INSRR: variants seen among roughly 807,000 people sequenced by gnomAD.
INSRR encodes insulin receptor related receptor, also known as insulin receptor-related protein.
Under a neutral mutation model 130.0 loss-of-function variants are expected in INSRR, and 114 were observed. The ratio of observed to expected loss-of-function variants is 0.88; its 90% CI spans 0.75 to 1.02. INSRR has a LOEUF of 1.02. Ranked by LOEUF, INSRR falls within the 50% of genes least tolerant of loss-of-function variation. INSRR has a pLI of 0.00. For missense variants in INSRR, 1,657 were observed against 1,735.2 expected (o/e 0.95, Z 0.80); for synonymous variants, 674 against 705.2 (o/e 0.96, Z 0.70).
intron 5 of INSRR, among the ~76,000 whole-genome samples, chr1:156,850,264 T>C (rs1323482033): frequency 4.6e-5 from 7 of 152,058 alleles, no homozygotes; most frequent in African/African-American, 1.4e-4. Context: ...CAGGCTGCAG[T>C]GTAGTGGCAC....
At chr1:156,847,054 T>C (rs1655040040) in intron 7 of INSRR, among the ~76,000 whole-genome samples, 3 of 152,182 alleles carry the variant, frequency 2.0e-5, no homozygotes, top group Admixed American at 6.5e-5. Context: ...CAAGAAAGTG[T>C]GTGTGAAAGA....
intron 7 of INSRR, 74 bp downstream of exon 7, chr1:156,848,847 C>T (rs374472136): frequency 1.3e-6 from 2 of 1,507,228 alleles, no homozygotes; most frequent in East Asian, 2.5e-5. Flanking sequence ...GCTCCGCCCT[C>T]ACCTGCCTGT....
At chr1:156,858,479 G>T in intron 1 of INSRR, 58 bp downstream of exon 1, 1 of 1,333,532 alleles carries the variant, frequency 7.5e-7, no homozygotes, top group Non-Finnish European at 1.1e-6. Context: ...TCAGTTTTTT[G>T]GCCTCCCAGC....
In INSRR at chr1:156,843,184, G is replaced by A; in HGVS notation, c.2946C>T (p.Ile982=). 1 of 1,614,106 alleles carries A rather than the reference G, an allele frequency of 6.2e-7. No individual in the cohort carries two copies. The highest frequency in any genetic ancestry group is 8.5e-7 in the Non-Finnish European group (1 of 1,180,034). ...CAAAAGAGCCCTGGCCCAGTTCCCGGATTATCGAGATCTGCTCCCGAGGCA... is the reference window on the plus strand; with the variant it reads ...CAAAAGAGCCCTGGCCCAGTTCCCGAATTATCGAGATCTGCTCCCGAGGCA... The part of the protein sequence containing the change: ...WEVPREQISI[I]RELGQGSFGM... Residue 982 remains isoleucine (I), a synonymous_variant, in exon 17 of 22, where the codon ATC becomes ATT. Coordinates refer to ENST00000368195, the MANE Select transcript of INSRR (RefSeq NM_014215.3).
chr1:156,847,673 G>A (rs184437855), intron 7 of INSRR, among the ~76,000 whole-genome samples: 150 of 152,178 alleles, frequency 9.9e-4, no homozygotes, highest in African/African-American at 3.4e-3. Flanking sequence ...CAGGTTGGGG[G>A]GGTGGGGGCT....
chr1:156,842,374 C>T (rs761488096), intron 18 of INSRR, 24 bp downstream of exon 18: 40 of 1,612,720 alleles, frequency 2.5e-5, no homozygotes, highest in Middle Eastern at 1.6e-4. Context: ...TTCTTTCACT[C>T]CCCAGGGTCT....
chr1:156,846,180 T>A (rs1655001080), intron 8 of INSRR, 61 bp from the exon 9 acceptor site: 4 of 1,474,214 alleles, frequency 2.7e-6, no homozygotes, highest in Non-Finnish European at 3.6e-6. Context: ...TACTATCTAG[T>A]AATGAGCCCT....
At chr1:156,856,215 G>A (rs1655401628) in intron 1 of INSRR, among the ~76,000 whole-genome samples, 1 of 152,114 alleles carries the variant, frequency 6.6e-6, no homozygotes, top group African/African-American at 2.4e-5. Context: ...TAAGGGCAGG[G>A]ATATTTGTAT....
chr1:156,840,854 C>G lies in INSRR; in HGVS notation c.*19G>C, dbSNP rs1260778285. ...TTCCTGTCTCCCCATGGGAGGCCAG[C>G]CAGGGAATGAGGTGCCCCTCAGTGC... is the stretch of plus-strand genomic sequence containing the variant. On this transcript the variant is annotated 3_prime_UTR_variant, in exon 22 of 22. Coordinates refer to ENST00000368195, the MANE Select transcript of INSRR (RefSeq NM_014215.3). 1 of 1,583,314 alleles carries G rather than the reference C, an allele frequency of 6.3e-7. No homozygotes were observed. The highest frequency in any genetic ancestry group is 2.2e-5 in the East Asian group (1 of 44,598).
rs776189089 is a variant in INSRR at position 156,846,083 on chromosome 1, T to C, written c.1847A>G (p.Asn616Ser). ...GCGCACCAGGAGGTGGGAGGAGGAG[T>C]TGGACGTGGAGATGACGTCTTGGGG... ...TVPQDVISTSNSSSHLLVRWK... is the reference protein window; with the variant it reads ...TVPQDVISTSSSSSHLLVRWK... Residue 616 changes from asparagine (N) to serine (S), a missense_variant, in exon 9 of 22, where the codon AAC becomes AGC. Physicochemically the swap from Asn to Ser is conservative, Grantham distance 46 (BLOSUM62 1). Coordinates refer to ENST00000368195, the MANE Select transcript of INSRR (RefSeq NM_014215.3). 2.5e-6 allele frequency: 4 copies of C among 1,609,896 alleles called. No individual in the cohort carries two copies. Among genetic ancestry groups the C allele is most frequent in the South Asian group, 2.2e-5 (2 of 90,526 alleles).
In INSRR at chr1:156,854,303, A is replaced by G; in HGVS notation, c.86T>C (p.Val29Ala). 2 of 1,607,806 alleles carry G rather than the reference A, an allele frequency of 1.2e-6. No homozygotes were observed. Among genetic ancestry groups the G allele is most frequent in the Non-Finnish European group, 1.7e-6 (2 of 1,177,362 alleles). Reference protein sequence around the residue: ...SLGFGLDTVEVCPSLDIRSEV... With the variant: ...SLGFGLDTVEACPSLDIRSEV... ...TGAGCGAATATCCAGGCTGGGGCAC[A>G]CTGTGGGCATACACGGCACGCAGCA... Residue 29 changes from valine (V) to alanine (A), a missense_variant and splice_region_variant, in exon 2 of 22, where the codon GTG becomes GCG. Coordinates refer to ENST00000368195, the MANE Select transcript of INSRR (RefSeq NM_014215.3). The surrounding 1 kb of genome is among the most constrained non-coding windows in gnomAD (Gnocchi z 4.2).
In INSRR at chr1:156,841,747, C is replaced by A. The variant is rs1176245983; in HGVS notation, c.3445G>T (p.Gly1149Cys). Residue 1149 changes from glycine (G) to cysteine (C), a missense_variant, in exon 20 of 22, where the codon GGT becomes TGT. Gly to Cys is a radical substitution (Grantham distance 159, BLOSUM62 -3). Coordinates refer to ENST00000368195, the MANE Select transcript of INSRR (RefSeq NM_014215.3). ...DVYETDYYRK[G>C]GKGLLPVRWM... ...CGCACGGGCAGCAGCCCCTTCCCAC[C>A]CTTGCGGTAATAGTCTGTCTCATAC... 2 of 1,614,042 alleles carry A rather than the reference C, an allele frequency of 1.2e-6. No individual in the cohort carries two copies. Among genetic ancestry groups the A allele is most frequent in the Admixed American group, 1.7e-5 (1 of 60,004 alleles).
chr1:156,851,101 A>C, intron 5 of INSRR, 189 bp downstream of exon 5: 1 of 696,038 alleles, frequency 1.4e-6, no homozygotes, highest in South Asian at 1.6e-5. Flanking sequence ...AGTCCTGAGA[A>C]GTAAGTAATG....
rs1654744801 is a variant in INSRR at position 156,840,787 on chromosome 1, G to A, written c.*86C>T. ...CCATCCCTTGCCCTGAGTTGGGGTGGGGGTGAACATTCAGGCGTCTCAGCC... is the reference window on the plus strand; with the variant it reads ...CCATCCCTTGCCCTGAGTTGGGGTGAGGGTGAACATTCAGGCGTCTCAGCC... On this transcript the variant is annotated 3_prime_UTR_variant, in exon 22 of 22. Coordinates refer to ENST00000368195, the MANE Select transcript of INSRR (RefSeq NM_014215.3). 1 of 1,031,952 alleles carries A rather than the reference G, an allele frequency of 9.7e-7. No homozygotes were observed. The highest frequency in any genetic ancestry group is 1.6e-5 in the African/African-American group (1 of 63,228). The allele number at this position is 1,031,952 out of a possible 1,614,324, so 63.9% of individuals were successfully genotyped here.
rs1655504064 is a variant in INSRR at position 156,858,841 on chromosome 1, G to C, written c.-220C>G. 1 of 585,228 alleles carries C rather than the reference G, an allele frequency of 1.7e-6. No homozygotes were observed. Among genetic ancestry groups the C allele is most frequent in the South Asian group, 2.0e-5 (1 of 49,480 alleles). The allele number at this position is 585,228 out of a possible 1,614,324, so 36.3% of individuals were successfully genotyped here. On this transcript the variant is annotated 5_prime_UTR_variant, in exon 1 of 22. Transcript: ENST00000368195. ...ACAGTGACAGGCAGTTGGAGACAGA[G>C]AGACTCAGCATGAGATTGAGAGATG...
In INSRR at chr1:156,840,958, C is replaced by A; in HGVS notation, c.3809G>T (p.Gly1270Val). 1 of 1,613,842 alleles carries A rather than the reference C, an allele frequency of 6.2e-7. No homozygotes were observed. Among genetic ancestry groups the A allele is most frequent in the Non-Finnish European group, 8.5e-7 (1 of 1,179,916 alleles). Residue 1270 changes from glycine (G) to valine (V), a missense_variant, in exon 22 of 22, where the codon GGC becomes GTC. By Grantham distance (109) the Gly-to-Val change is moderately radical (BLOSUM62 -3). Coordinates refer to ENST00000368195, the MANE Select transcript of INSRR (RefSeq NM_014215.3). ...CTCTGCATCGGTGGTAGGCAGGGAGCCCCGGGCCCCCCGGCATTCCGGGCT... is the reference window on the plus strand; with the variant it reads ...CTCTGCATCGGTGGTAGGCAGGGAGACCCGGGCCCCCCGGCATTCCGGGCT... ...YYSPECRGAR[G>V]SLPTTDAEPD...
At chr1:156,842,040 T>A in intron 19 of INSRR, 72 bp downstream of exon 19, 1 of 1,599,198 alleles carries the variant, frequency 6.3e-7, no homozygotes, top group Non-Finnish European at 8.5e-7. Context: ...GGGCTGTGGG[T>A]CTCCTGATGC....
chr1:156,849,513 G>GGGGGGGC, intron 5 of INSRR, 53 bp from the exon 6 acceptor site: 9 of 486,114 alleles, frequency 1.9e-5, no homozygotes, highest in Non-Finnish European at 2.5e-5. Context: ...CAGGGGGTGG[G>GGGGGGGC]AAAGGGGATG....
chr1:156,850,464 T>C (rs1304185509), intron 5 of INSRR, among the ~76,000 whole-genome samples: 1 of 150,616 alleles, frequency 6.6e-6, no homozygotes, highest in Non-Finnish European at 1.5e-5. Flanking sequence ...CCTCCTGCCT[T>C]GCCCTCCCAA....
Sources: allele counts gnomAD v4.1 joint callset (sites outside exome capture counted in the v4.1 genomes callset), GRCh38; gene constraint gnomAD v4.1.1; non-coding constraint Gnocchi (gnomAD v3.1); transcripts MANE v1.5; gene names NCBI Gene and HGNC (gene_info 2026-07-23, HGNC 2026-07-21).